Variants in ANO6 observed in about 807,000 individuals in gnomAD.
ANO6 encodes the protein anoctamin 6, also known as anoctamin-6.
ANO6 carries 106 observed loss-of-function variants against 117.5 expected under a neutral mutation model. The ratio of observed to expected loss-of-function variants is 0.90; its 90% CI spans 0.77 to 1.06. The LOEUF (loss-of-function observed/expected upper bound fraction) is 1.06. Among genes scored for constraint, ANO6 ranks in the 50% least tolerant of loss-of-function variants. ANO6 has a pLI of 0.00. For synonymous variants in ANO6, 367 were observed against 385.1 expected, an observed-to-expected ratio of 0.95 and a Z score of 0.55; for missense variants, 955 against 1,121.1, an observed-to-expected ratio of 0.85 and a Z score of 2.12.
At chr12:45,220,414 T>C (rs1947378942) in intron 1 of ANO6, among the ~76,000 whole-genome samples, 1 of 152,162 alleles carries the variant, frequency 6.6e-6, no homozygotes, top group African/African-American at 2.4e-5. Flanking sequence ...CATAGACTTA[T>C]CTTCCCACAC....
At chr12:45,318,993 T>C (rs1940155692) in intron 2 of ANO6, among the ~76,000 whole-genome samples, 1 of 152,218 alleles carries the variant, frequency 6.6e-6, no homozygotes, top group African/African-American at 2.4e-5. Flanking sequence ...TGAAGTTGCT[T>C]ATCAGCTTAA....
chr12:45,314,925 C>CA (rs1359377957), intron 2 of ANO6, among the ~76,000 whole-genome samples: 3 of 152,068 alleles, frequency 2.0e-5, no homozygotes, highest in Non-Finnish European at 4.4e-5. Flanking sequence ...AATAGCATTA[C>CA]ATGAACATAT....
chr12:45,371,697 A>G (rs1379175246), intron 9 of ANO6, among the ~76,000 whole-genome samples: 4 of 152,280 alleles, frequency 2.6e-5, no homozygotes, highest in East Asian at 3.9e-4. Flanking sequence ...CATCCACACC[A>G]AAAACCCATC....
chr12:45,431,528 A>T lies in ANO6; in HGVS notation c.*2217A>T. The T allele has an allele frequency of 1.0e-6, 1 of 985,080 alleles. No homozygotes were observed. The highest frequency in any genetic ancestry group is 4.7e-5 in the South Asian group (1 of 21,264). 61.0% of individuals were successfully genotyped at this position (985,080 alleles called of 1,614,324 possible). Reference sequence around the variant, plus strand: ...ATAGATTAAATGTGCTGCTGTGGACAGGAGGGGAAAAAAAACCCTCTACAT... The same window carrying T: ...ATAGATTAAATGTGCTGCTGTGGACTGGAGGGGAAAAAAAACCCTCTACAT... On this transcript the variant is annotated 3_prime_UTR_variant, in exon 20 of 20. Coordinates refer to ENST00000320560, the MANE Select transcript of ANO6 (RefSeq NM_001025356.3).
chr12:45,316,196 G>A (rs779881776), intron 2 of ANO6, among the ~76,000 whole-genome samples: 3 of 152,028 alleles, frequency 2.0e-5, no homozygotes, highest in South Asian at 2.1e-4. Flanking sequence ...GCCCTGTTGA[G>A]CAGGTACTGT....
At chr12:45,317,107 T>TTATGTGTGTGTGTATA (rs1185224135) in intron 2 of ANO6, among the ~76,000 whole-genome samples, 1 of 12,466 alleles carries the variant, frequency 8.0e-5, no homozygotes, top group African/African-American at 8.9e-5. Context: ...TGGATTCTTT[T>TTATGTGTGTGTGTATA]TATATGTATA....
At chr12:45,325,209 A>C (rs1017584155) in intron 2 of ANO6, among the ~76,000 whole-genome samples, 3 of 152,218 alleles carry the variant, frequency 2.0e-5, no homozygotes, top group African/African-American at 7.2e-5. Flanking sequence ...TTTGGTTCCA[A>C]CTGATTCCAG....
chr12:45,418,996 G>A (rs146417777), intron 17 of ANO6, among the ~76,000 whole-genome samples: 113 of 152,294 alleles, frequency 7.4e-4, no homozygotes, highest in African/African-American at 2.5e-3. Context: ...AACACCCAGT[G>A]TGTATCTCAC....
At chr12:45,275,924 C>T (rs977940797) in intron 1 of ANO6, among the ~76,000 whole-genome samples, 1 of 152,178 alleles carries the variant, frequency 6.6e-6, no homozygotes, top group African/African-American at 2.4e-5. Context: ...TTTGCTGACT[C>T]TCCAAGGTGT....
chr12:45,217,153 A>AAAAGGGATGAGAGGAGGTGAGGAAGGGG (rs1947328468), intron 1 of ANO6, among the ~76,000 whole-genome samples: 1 of 152,134 alleles, frequency 6.6e-6, no homozygotes, highest in African/African-American at 2.4e-5. Context: ...AAGGGCAAAC[A>AAAAGGGATGAGAGGAGGTGAGGAAGGGG]AAAGGGATGA....
At chr12:45,388,693 T>C (rs910783241) in intron 11 of ANO6, among the ~76,000 whole-genome samples, 1 of 152,220 alleles carries the variant, frequency 6.6e-6, no homozygotes, top group Admixed American at 6.5e-5. Context: ...CAGCCCCTTA[T>C]TCATCCTAGA....
chr12:45,396,166 G>T (rs1467569651), intron 12 of ANO6, among the ~76,000 whole-genome samples: 7 of 152,110 alleles, frequency 4.6e-5, no homozygotes, highest in African/African-American at 1.4e-4. Context: ...AAATCAATGT[G>T]CAAAAATCAC....
chr12:45,263,482 G>T (rs556218209), intron 1 of ANO6, among the ~76,000 whole-genome samples: 1 of 151,320 alleles, frequency 6.6e-6, no homozygotes, highest in Non-Finnish European at 1.5e-5. Context: ...AAAATGCTGG[G>T]ATCACAGTCG....
chr12:45,262,155 C>T (rs1049935619), intron 1 of ANO6, among the ~76,000 whole-genome samples: 2 of 152,066 alleles, frequency 1.3e-5, no homozygotes, highest in Non-Finnish European at 2.9e-5. Flanking sequence ...CCAACACTAC[C>T]CCTCAAAGAT....
chr12:45,316,826 T>TA (rs1214042521), intron 2 of ANO6, among the ~76,000 whole-genome samples: 1 of 150,892 alleles, frequency 6.6e-6, no homozygotes, highest in Non-Finnish European at 1.5e-5. Flanking sequence ...CAAAATGGTA[T>TA]AAAAAAGCAG....
chr12:45,361,120 G>A (rs527939857), intron 8 of ANO6, among the ~76,000 whole-genome samples: 1 of 152,166 alleles, frequency 6.6e-6, no homozygotes, highest in Non-Finnish European at 1.5e-5. Context: ...GATTCCATAG[G>A]TCAGTTTGGA....
intron 1 of ANO6, among the ~76,000 whole-genome samples, chr12:45,236,768 G>A (rs867505365): frequency 4.3e-4 from 65 of 152,244 alleles, no homozygotes; most frequent in Admixed American, 9.8e-4. Flanking sequence ...TGGGTCAAAT[G>A]GTATTTCTAG....
chr12:45,437,878 T>C (rs1300586263), intron 19 of ANO6, among the ~76,000 whole-genome samples: 2 of 152,176 alleles, frequency 1.3e-5, no homozygotes, highest in Admixed American at 6.6e-5. Context: ...CTCAAAACTT[T>C]TAAGAGTGTA....
chr12:45,413,179 T>C lies in ANO6; in HGVS notation c.2012-3520T>C, dbSNP rs1190897631. ...ATCAATCACGCAGCAGAATGGAAGA[T>C]AATATTTTGGATGAGATTCGTGGTG... On this transcript the variant is annotated intron_variant, in intron 16 of 19. Coordinates refer to ENST00000320560, the MANE Select transcript of ANO6 (RefSeq NM_001025356.3). Among the ~76,000 whole-genome samples, 7 of 152,282 alleles carry C rather than the reference T, an allele frequency of 4.6e-5. No homozygotes were observed. In the East Asian group the frequency reaches 1.3e-3, roughly 29 times the overall value.
Sources: allele counts gnomAD v4.1 joint callset (sites outside exome capture counted in the v4.1 genomes callset), GRCh38; gene constraint gnomAD v4.1.1; transcripts MANE v1.5; gene names NCBI Gene and HGNC (gene_info 2026-07-23, HGNC 2026-07-21).